Variants in SMOC1 observed in about 807,000 individuals in gnomAD.
SMOC1 encodes the protein SPARC-related modular calcium-binding protein 1.
Under a neutral mutation model 56.3 loss-of-function variants are expected in SMOC1, and 22 were observed. The observed-to-expected ratio is 0.39, with a 90% CI of 0.28 to 0.56. The LOEUF is 0.56. Among genes scored for constraint, SMOC1 ranks in the 20% least tolerant of loss-of-function variants. The pLI is 0.61. For synonymous variants in SMOC1, 193 were observed against 215.0 expected (o/e 0.90, Z 0.89); for missense variants, 509 against 565.4 (o/e 0.90, Z 1.01).
At chr14:69,998,777 G>C (rs188900505) in intron 7 of SMOC1, among the ~76,000 whole-genome samples, 24 of 152,340 alleles carry the variant, frequency 1.6e-4, no homozygotes, top group Non-Finnish European at 3.1e-4. Context: ...CTGGGGGCTT[G>C]ACTCTGTGGC....
At chr14:69,883,948 G>A (rs550728003) in intron 1 of SMOC1, among the ~76,000 whole-genome samples, 8 of 120,270 alleles carry the variant, frequency 6.7e-5, no homozygotes, top group East Asian at 2.9e-4. Context: ...CGCCCAGGCC[G>A]GACTGCGGAC....
chr14:70,015,839 A>G (rs189151221), intron 10 of SMOC1, among the ~76,000 whole-genome samples: 35 of 152,340 alleles, frequency 2.3e-4, no homozygotes, highest in Admixed American at 2.2e-3. Flanking sequence ...TGTGTTTAGA[A>G]TATGAAAAAA....
chr14:69,918,304 C>T (rs1183306576), intron 1 of SMOC1, among the ~76,000 whole-genome samples: 3 of 151,912 alleles, frequency 2.0e-5, no homozygotes, highest in African/African-American at 7.3e-5. Flanking sequence ...TCACGGCTTA[C>T]TGCACCCTTG....
chr14:69,897,191 G>A (rs1353053763), intron 1 of SMOC1, among the ~76,000 whole-genome samples: 1 of 152,160 alleles, frequency 6.6e-6, no homozygotes, highest in African/African-American at 2.4e-5. Flanking sequence ...GGGTTGGAAA[G>A]CCAATAAAGG....
intron 1 of SMOC1, among the ~76,000 whole-genome samples, chr14:69,892,432 C>T (rs1034122167): frequency 1.3e-5 from 2 of 152,160 alleles, no homozygotes; most frequent in African/African-American, 4.8e-5. Context: ...TTATTTAAAA[C>T]GTGTTGGTAA....
intron 1 of SMOC1, among the ~76,000 whole-genome samples, chr14:69,934,508 G>A (rs920677387): frequency 6.6e-6 from 1 of 152,234 alleles, no homozygotes; most frequent in Non-Finnish European, 1.5e-5. Context: ...GGGGCAGGAA[G>A]GATGGGGTGG....
At chr14:69,932,597 C>T (rs536511346) in intron 1 of SMOC1, among the ~76,000 whole-genome samples, 33 of 152,336 alleles carry the variant, frequency 2.2e-4, no homozygotes, top group African/African-American at 4.8e-4. Context: ...TCTCAAAGGC[C>T]GGATTAGGCA....
chr14:69,889,399 C>T (rs929235535), intron 1 of SMOC1, among the ~76,000 whole-genome samples: 1 of 152,210 alleles, frequency 6.6e-6, no homozygotes. Flanking sequence ...CATTTGCTTA[C>T]CCCTATGATG....
intron 7 of SMOC1, among the ~76,000 whole-genome samples, chr14:70,007,204 G>T (rs893243691): frequency 6.6e-6 from 1 of 152,206 alleles, no homozygotes; most frequent in Non-Finnish European, 1.5e-5. Flanking sequence ...TTCTCAACCA[G>T]TCTGTGTTTC....
At chr14:69,926,703 C>T (rs1157014865) in intron 1 of SMOC1, among the ~76,000 whole-genome samples, 1 of 152,210 alleles carries the variant, frequency 6.6e-6, no homozygotes, top group African/African-American at 2.4e-5. Context: ...CTCACTGGGG[C>T]CCCATCAGGG....
At chr14:69,881,772 T>C (rs185957199) in intron 1 of SMOC1, among the ~76,000 whole-genome samples, 2 of 152,328 alleles carry the variant, frequency 1.3e-5, no homozygotes, top group African/African-American at 4.8e-5. Context: ...GTTGTGTTTA[T>C]AGATAACAAT....
In SMOC1 at chr14:69,953,884, T is replaced by C. The variant is rs144402724; in HGVS notation, c.378+352T>C. On this transcript the variant is annotated intron_variant, in intron 3 of 11. Coordinates refer to ENST00000361956, the MANE Select transcript of SMOC1 (RefSeq NM_001034852.3). ...TTTTTCTTATTCCTGCCAGTTTCCA[T>C]GGGCAACCCTGGTATTCCCTTCCCT... Among the ~76,000 whole-genome samples, 1,312 of 152,284 alleles carry C rather than the reference T, an allele frequency of 8.6e-3. 23 individuals are homozygous for C. Among genetic ancestry groups the C allele is most frequent in the African/African-American group, 0.03 (1,250 of 41,564 alleles).
intron 1 of SMOC1, among the ~76,000 whole-genome samples, chr14:69,925,444 C>G (rs533810261): frequency 6.6e-6 from 1 of 152,132 alleles, no homozygotes; most frequent in African/African-American, 2.4e-5. Flanking sequence ...CAAATGTCAC[C>G]TCCTCCCCTA....
At chr14:69,968,342 T>C (rs1883644083) in intron 3 of SMOC1, among the ~76,000 whole-genome samples, 1 of 152,170 alleles carries the variant, frequency 6.6e-6, no homozygotes, top group African/African-American at 2.4e-5. Context: ...GGCCCAGCAA[T>C]GTTTTCATAA....
At chr14:69,907,845 G>A (rs1309475528) in intron 1 of SMOC1, among the ~76,000 whole-genome samples, 2 of 152,146 alleles carry the variant, frequency 1.3e-5, no homozygotes, top group African/African-American at 4.8e-5. Context: ...CTTCTTTATA[G>A]ATAACCATCT....
chr14:69,919,788 C>A (rs1468859377), intron 1 of SMOC1, among the ~76,000 whole-genome samples: 1 of 151,802 alleles, frequency 6.6e-6, no homozygotes, highest in Non-Finnish European at 1.5e-5. Flanking sequence ...GTAGACTTTT[C>A]AAAAAATGTA....
chr14:69,978,345 G>A (rs1884046532), intron 5 of SMOC1, among the ~76,000 whole-genome samples: 1 of 152,214 alleles, frequency 6.6e-6, no homozygotes, highest in Non-Finnish European at 1.5e-5. Context: ...CTCTTGTTGT[G>A]TAAGCACATT....
chr14:69,984,855 T>TCAAACAAACAAA (rs374247826), intron 5 of SMOC1, among the ~76,000 whole-genome samples: 1 of 146,728 alleles, frequency 6.8e-6, no homozygotes, highest in East Asian at 2.0e-4. Flanking sequence ...AGACTCCATC[T>TCAAACAAACAAA]CAAACAAACA....
At chr14:69,995,127 A>G (rs1174989297) in intron 7 of SMOC1, among the ~76,000 whole-genome samples, 1 of 152,234 alleles carries the variant, frequency 6.6e-6, no homozygotes, top group African/African-American at 2.4e-5. Context: ...TCAACCGAAG[A>G]CTTCATTATG....
Sources: allele counts gnomAD v4.1 joint callset (sites outside exome capture counted in the v4.1 genomes callset), GRCh38; gene constraint gnomAD v4.1.1; transcripts MANE v1.5; gene names NCBI Gene and HGNC (gene_info 2026-07-23, HGNC 2026-07-21).